The following THADA variants were observed in gnomAD, a reference collection of about 807,000 sequenced individuals.
The protein encoded by THADA is THADA armadillo repeat containing, also known as tRNA (32-2'-O)-methyltransferase regulator THADA.
THADA carries 213 observed loss-of-function variants against 219.8 expected under a neutral mutation model. That is an observed-to-expected ratio of 0.97 (90% CI 0.87 to 1.09). The LOEUF (loss-of-function observed/expected upper bound fraction) is 1.09. Ranked by LOEUF, THADA falls within the 50% of genes least tolerant of loss-of-function variation. The pLI is 0.00. For synonymous variants in THADA, 1,018 were observed against 828.9 expected, an observed-to-expected ratio of 1.23 and a Z score of -3.92; for missense variants, 2,956 against 2,311.3, an observed-to-expected ratio of 1.28 and a Z score of -5.72.
intron 37 of THADA, among the ~76,000 whole-genome samples, chr2:43,231,597 T>C (rs1030338008): frequency 6.6e-6 from 1 of 152,154 alleles, no homozygotes; most frequent in African/African-American, 2.4e-5. Context: ...TGGATAAAGA[T>C]GTGTTTGTGG....
chr2:43,424,722 AG>A (rs1678193399), intron 28 of THADA, among the ~76,000 whole-genome samples: 1 of 152,178 alleles, frequency 6.6e-6, no homozygotes, highest in Non-Finnish European at 1.5e-5. Context: ...TCCCTGTGGT[AG>A]GCTGATGAAA....
intron 21 of THADA, among the ~76,000 whole-genome samples, chr2:43,540,868 G>C (rs1455779533): frequency 6.6e-6 from 1 of 152,114 alleles, no homozygotes; most frequent in Non-Finnish European, 1.5e-5. Context: ...TAAAGTTTAA[G>C]TCTGTGTATG....
chr2:43,274,609 G>A (rs1672503351), intron 36 of THADA, among the ~76,000 whole-genome samples: 1 of 152,154 alleles, frequency 6.6e-6, no homozygotes, highest in Non-Finnish European at 1.5e-5. Flanking sequence ...CAGGGAATGG[G>A]GAGATCCTGG....
At chr2:43,528,565 C>A (rs114343025) in intron 21 of THADA, among the ~76,000 whole-genome samples, 1,560 of 152,268 alleles carry the variant, frequency 0.01, 30 homozygotes, top group African/African-American at 0.035. Context: ...CAAGGTCAGA[C>A]AGCAAGAAAG....
intron 31 of THADA, among the ~76,000 whole-genome samples, chr2:43,304,771 A>T (rs557550071): frequency 1.3e-5 from 2 of 151,214 alleles, no homozygotes; most frequent in East Asian, 3.9e-4. Flanking sequence ...TTTCGGGTTC[A>T]AGTGGTTCTG....
intron 26 of THADA, among the ~76,000 whole-genome samples, chr2:43,447,541 T>C (rs1346337544): frequency 6.6e-6 from 1 of 152,178 alleles, no homozygotes; most frequent in Non-Finnish European, 1.5e-5. Flanking sequence ...TGAAGGGCCA[T>C]TAATCTGCCT....
Position 43,344,080 on chromosome 2 carries a change from T to C in THADA, c.4343+42A>G, listed in dbSNP as rs762390454. ...AAACAGCAATTCTCAAATGTATTCC[T>C]AACCCCTGATAACTCCTTGCTCATG... On this transcript the variant is annotated intron_variant, in intron 30 of 37. Transcript: ENST00000405975. The C allele has an allele frequency of 2.8e-6, 4 of 1,410,134 alleles. No individual in the cohort carries two copies. The African/African-American group carries it at 4.2e-5, about 15-fold the overall frequency. 87.4% of individuals were successfully genotyped at this position (1,410,134 alleles called of 1,614,324 possible). A position where few individuals can be genotyped will look rare whatever the true frequency, so the allele number is the denominator to read the frequency against.
At chr2:43,247,628 C>T (rs992580115) in intron 36 of THADA, among the ~76,000 whole-genome samples, 10 of 146,224 alleles carry the variant, frequency 6.8e-5, no homozygotes, top group African/African-American at 2.3e-4. Context: ...ACTCGGGAGG[C>T]TGAGGCACGA....
chr2:43,575,871 G>A (rs983643829), intron 10 of THADA, among the ~76,000 whole-genome samples: 2 of 152,142 alleles, frequency 1.3e-5, no homozygotes, highest in Non-Finnish European at 2.9e-5. Context: ...AAAGCCAAGT[G>A]TTGGAGATGG....
At chr2:43,325,847 G>A (rs943528880) in intron 30 of THADA, among the ~76,000 whole-genome samples, 1 of 152,168 alleles carries the variant, frequency 6.6e-6, no homozygotes, top group Non-Finnish European at 1.5e-5. Flanking sequence ...ACAAGTTTAA[G>A]TAAAATAATT....
intron 31 of THADA, among the ~76,000 whole-genome samples, chr2:43,304,910 G>T (rs1489680861): frequency 1.3e-5 from 2 of 152,126 alleles, no homozygotes; most frequent in Non-Finnish European, 2.9e-5. Flanking sequence ...GACCTCAGGT[G>T]ATCCACCCAC....
At chr2:43,262,010 G>A (rs1490291182) in intron 36 of THADA, among the ~76,000 whole-genome samples, 1 of 152,194 alleles carries the variant, frequency 6.6e-6, no homozygotes, top group Non-Finnish European at 1.5e-5. Context: ...GACCTCAGGT[G>A]ATCCACCCGC....
intron 26 of THADA, among the ~76,000 whole-genome samples, chr2:43,479,221 T>G (rs1685892391): frequency 6.6e-6 from 1 of 152,236 alleles, no homozygotes; most frequent in Non-Finnish European, 1.5e-5. Flanking sequence ...CTATTACTGT[T>G]GCTAACAGAA....
rs777799285 is a variant in THADA, at chr2:43,262,809, AC to A, written c.5296+16955del. On this transcript the variant is annotated intron_variant, in intron 36 of 37. Coordinates refer to ENST00000405975, the MANE Select transcript of THADA (RefSeq NM_022065.5). ...GTGTCAGCATCACTGGGGAGTTTTT[AC>A]GAAATGTAGAATCTCATGCCTTACC... Among the ~76,000 whole-genome samples, 9 of 152,352 alleles carry A rather than the reference AC, an allele frequency of 5.9e-5. No homozygotes were observed. In the East Asian group the frequency reaches 1.7e-3, roughly 29 times the overall value.
chr2:43,550,331 C>T (rs1252645233), intron 19 of THADA, among the ~76,000 whole-genome samples: 1 of 152,166 alleles, frequency 6.6e-6, no homozygotes, highest in Non-Finnish European at 1.5e-5. Flanking sequence ...AAATTACTAT[C>T]ATGATGATTC....
intron 28 of THADA, among the ~76,000 whole-genome samples, chr2:43,401,416 T>C (rs900651571): frequency 2.6e-5 from 4 of 152,094 alleles, no homozygotes; most frequent in Admixed American, 2.0e-4. Context: ...GTAGCTGGGA[T>C]TACAGGCGCC....
chr2:43,520,926 A>G (rs1352818214), intron 22 of THADA, among the ~76,000 whole-genome samples: 1 of 137,022 alleles, frequency 7.3e-6, no homozygotes, highest in African/African-American at 2.6e-5. Context: ...GGAAGAAAAA[A>G]GAAAGGGAAG....
chr2:43,351,256 C>T (rs920164457), intron 29 of THADA, among the ~76,000 whole-genome samples: 1 of 152,180 alleles, frequency 6.6e-6, no homozygotes, highest in African/African-American at 2.4e-5. Flanking sequence ...AATGTGCTGG[C>T]ACTAAAGGCT....
rs113637756 is a variant in THADA at position 43,340,373 on chromosome 2, G to C, written c.4343+3749C>G. On this transcript the variant is annotated intron_variant, in intron 30 of 37. Coordinates refer to ENST00000405975, the MANE Select transcript of THADA (RefSeq NM_022065.5). ...CCTCATATAAATCCCTATTAATCTT[G>C]CAAAGTCAAAACACAAATATAGGAC... 9.1e-4 allele frequency among the ~76,000 whole-genome samples: 138 copies of C among 152,214 alleles called. No homozygotes were observed. The Middle Eastern group carries it at 0.01, about 11-fold the overall frequency.
Sources: allele counts gnomAD v4.1 joint callset (sites outside exome capture counted in the v4.1 genomes callset), GRCh38; gene constraint gnomAD v4.1.1; transcripts MANE v1.5; gene names NCBI Gene and HGNC (gene_info 2026-07-23, HGNC 2026-07-21).